UPP2: variants seen among roughly 807,000 people sequenced by gnomAD.
The protein encoded by UPP2 is UPase 2.
UPP2 carries 23 observed loss-of-function variants against 26.7 expected under a neutral mutation model. That is an observed-to-expected ratio of 0.86 (90% CI 0.62 to 1.22). The LOEUF (loss-of-function observed/expected upper bound fraction) is 1.22, where lower values mean the gene tolerates loss of function less well. Ranked by LOEUF, UPP2 falls within the 50% of genes most tolerant of loss-of-function variation. The pLI is 0.00. For synonymous variants in UPP2, 127 were observed against 141.3 expected (o/e 0.90, Z 0.72); for missense variants, 387 against 396.7 (o/e 0.98, Z 0.21).
intron 3 of UPP2, among the ~76,000 whole-genome samples, chr2:158,045,118 C>T (rs1459147332): frequency 3.3e-5 from 5 of 152,092 alleles, no homozygotes; most frequent in Admixed American, 6.5e-5. Context: ...ACCCCCTTGT[C>T]CCTTGAGAAA....
chr2:158,059,271 C>G (rs1166665667), intron 3 of UPP2, among the ~76,000 whole-genome samples: 1 of 152,218 alleles, frequency 6.6e-6, no homozygotes, highest in African/African-American at 2.4e-5. Context: ...CTGCCCAGCT[C>G]TAGCCATATA....
chr2:158,123,844 G>T lies in UPP2; in HGVS notation c.760G>T (p.Glu254Ter). ...ATTTAAAGCTGGTGTCAGGAATATT[G>T]AAATGGAATCTACAGTGTTTGCAGC... ...RAFKAGVRNI[E>*]MESTVFAAMC... The change falls in exon 6 of 7, where the codon GAA becomes TAA. Residue 254 changes from glutamate to a stop codon, truncating the protein, a stop_gained. Transcript: ENST00000005756. LOFTEE classifies it high-confidence loss of function. 6.2e-7 allele frequency: 1 copy of T among 1,614,102 alleles called. No homozygotes were observed. Among genetic ancestry groups the T allele is most frequent in the Non-Finnish European group, 8.5e-7 (1 of 1,179,944 alleles).
At chr2:158,025,201 C>CAA (rs60557993) in intron 3 of UPP2, among the ~76,000 whole-genome samples, 1,796 of 78,564 alleles carry the variant, frequency 0.023, 50 homozygotes, top group African/African-American at 0.075. Context: ...GACTCCCTCT[C>CAA]AAAAAAAAAA....
intron 6 of UPP2, among the ~76,000 whole-genome samples, chr2:158,132,026 A>T (rs1683829470): frequency 6.6e-6 from 1 of 152,358 alleles, no homozygotes; most frequent in Admixed American, 6.5e-5. Flanking sequence ...AAAGTGAAGG[A>T]TTAGAGAAGG....
intron 3 of UPP2, among the ~76,000 whole-genome samples, chr2:158,117,346 C>T (rs557949545): frequency 1.3e-5 from 2 of 152,142 alleles, no homozygotes; most frequent in African/African-American, 4.8e-5. Flanking sequence ...ACTCTAGTAC[C>T]TTTCAGAGCA....
intron 3 of UPP2, among the ~76,000 whole-genome samples, chr2:158,022,270 C>T (rs1320585575): frequency 1.3e-5 from 2 of 151,780 alleles, no homozygotes; most frequent in Non-Finnish European, 2.9e-5. Context: ...CCAGCCTGGC[C>T]AACATGGTGA....
chr2:158,134,597 C>A, intron 6 of UPP2, 151 bp from the exon 7 acceptor site: 2 of 887,546 alleles, frequency 2.3e-6, no homozygotes, highest in South Asian at 6.9e-5. Context: ...TATTGAAGAC[C>A]AGAAGGTTCA....
intron 3 of UPP2, among the ~76,000 whole-genome samples, chr2:158,116,936 C>G (rs970581073): frequency 6.7e-6 from 1 of 149,350 alleles, no homozygotes; most frequent in Non-Finnish European, 1.5e-5. Context: ...TTCCATAGCT[C>G]AACATTCTTG....
upstream of UPP2, among the ~76,000 whole-genome samples, chr2:158,097,886 T>C (rs142525358): frequency 3.8e-4 from 58 of 152,328 alleles, no homozygotes; most frequent in East Asian, 7.9e-3. Flanking sequence ...CTAATACTAA[T>C]CTCTTTTTTT....
intron 2 of UPP2, among the ~76,000 whole-genome samples, chr2:158,005,809 T>C (rs1683478647): frequency 6.6e-6 from 1 of 152,200 alleles, no homozygotes; most frequent in Admixed American, 6.5e-5. Context: ...TTCAGGGTCC[T>C]GGCCCAGCCC....
exon 2 of UPP2, chr2:157,995,220 T>G (rs765627722): frequency 6.2e-7 from 1 of 1,613,684 alleles, no homozygotes; most frequent in Non-Finnish European, 8.5e-7. Flanking sequence ...AGGCTGTGAG[T>G]TGGACCCAGA....
At chr2:157,998,247 A>T (rs932929424) in intron 2 of UPP2, among the ~76,000 whole-genome samples, 1 of 152,096 alleles carries the variant, frequency 6.6e-6, no homozygotes, top group Non-Finnish European at 1.5e-5. Flanking sequence ...CAGGCTTAGG[A>T]CATAAGGTTG....
At chr2:158,115,540 C>G (rs917020023) in intron 3 of UPP2, among the ~76,000 whole-genome samples, 3 of 152,160 alleles carry the variant, frequency 2.0e-5, no homozygotes, top group Non-Finnish European at 2.9e-5. Flanking sequence ...CACCCCTCAC[C>G]CCCGCCACGG....
intron 3 of UPP2, 121 bp downstream of exon 3, chr2:158,115,380 TC>T: frequency 1.6e-6 from 2 of 1,251,504 alleles, no homozygotes; most frequent in Non-Finnish European, 1.1e-6. Flanking sequence ...AAACAAGGTG[TC>T]CAGGTATGAG....
chr2:158,030,657 CAA>C, intron 3 of UPP2, among the ~76,000 whole-genome samples: 1 of 152,232 alleles, frequency 6.6e-6, no homozygotes, highest in African/African-American at 2.4e-5. Flanking sequence ...TACTGTCTTT[CAA>C]AATACCACCA....
chr2:158,004,203 T>C (rs1285085663), intron 2 of UPP2, among the ~76,000 whole-genome samples: 1 of 152,166 alleles, frequency 6.6e-6, no homozygotes, highest in African/African-American at 2.4e-5. Flanking sequence ...TTAGTAAATC[T>C]TGCTAGTGTT....
intron 5 of UPP2, among the ~76,000 whole-genome samples, chr2:158,123,479 G>T (rs936853677): frequency 4.6e-5 from 7 of 152,126 alleles, no homozygotes; most frequent in African/African-American, 1.7e-4. Flanking sequence ...CACAGTGCTG[G>T]CTGCTGCAGC....
chr2:158,043,966 AG>A (rs1684116061), intron 3 of UPP2, among the ~76,000 whole-genome samples: 1 of 152,208 alleles, frequency 6.6e-6, no homozygotes, highest in African/African-American at 2.4e-5. Context: ...CCCACCTCAC[AG>A]GGGTGGAGTG....
intron 1 of UPP2, among the ~76,000 whole-genome samples, chr2:158,105,624 C>T (rs533761388): frequency 6.6e-6 from 1 of 152,304 alleles, no homozygotes; most frequent in South Asian, 2.1e-4. Context: ...CTCAAGGTTG[C>T]ACAATTAGGA....
Sources: allele counts gnomAD v4.1 joint callset (sites outside exome capture counted in the v4.1 genomes callset), GRCh38; gene constraint gnomAD v4.1.1; transcripts MANE v1.5; gene names NCBI Gene and HGNC (gene_info 2026-07-23, HGNC 2026-07-21).